The following TAF2 variants were observed in gnomAD, a reference collection of about 807,000 sequenced individuals.
TAF2 encodes transcription initiation factor TFIID subunit 2.
Under a neutral mutation model 138.5 loss-of-function variants are expected in TAF2, and 61 were observed. The observed-to-expected ratio is 0.44, with a 90% confidence interval of 0.36 to 0.54. The LOEUF (loss-of-function observed/expected upper bound fraction) is 0.54. Ranked by LOEUF, TAF2 falls within the 20% of genes least tolerant of loss-of-function variation. The pLI is 0.00. For synonymous variants in TAF2, 475 were observed against 469.9 expected (o/e 1.01, Z -0.14); for missense variants, 1,090 against 1,427.9 (o/e 0.76, Z 3.81).
At chr8:119,785,324 T>A in intron 14 of TAF2, 58 bp from the exon 15 acceptor site, 4 of 1,176,062 alleles carry the variant, frequency 3.4e-6, no homozygotes, top group Non-Finnish European at 3.8e-6. Flanking sequence ...TGAATGGACA[T>A]TAACAGCAGC....
intron 22 of TAF2, among the ~76,000 whole-genome samples, chr8:119,752,274 G>A (rs1014673389): frequency 2.6e-5 from 4 of 152,012 alleles, no homozygotes; most frequent in East Asian, 3.9e-4. Flanking sequence ...TATCTGATAC[G>A]TGTATGAGTG....
intron 20 of TAF2, among the ~76,000 whole-genome samples, chr8:119,758,827 C>A (rs1820869953): frequency 6.6e-6 from 1 of 152,112 alleles, no homozygotes; most frequent in African/African-American, 2.4e-5. Context: ...AACATGAAGT[C>A]TGAAGTCATA....
At chr8:119,830,856 A>G (rs1233461030) in intron 2 of TAF2, among the ~76,000 whole-genome samples, 1 of 152,238 alleles carries the variant, frequency 6.6e-6, no homozygotes, top group Non-Finnish European at 1.5e-5. Context: ...CTGTAATCCC[A>G]GCATTTTGGG....
rs1823180224 is a variant in TAF2, at chr8:119,788,448, CT to C, written c.1684-2del. 10 of 1,605,950 alleles carry C rather than the reference CT, an allele frequency of 6.2e-6. No individual in the cohort carries two copies. The highest frequency in any genetic ancestry group is 1.7e-4 in the Middle Eastern group (1 of 6,020). On this transcript the variant is annotated splice_acceptor_variant, in intron 13 of 25. Coordinates refer to ENST00000378164, the MANE Select transcript of TAF2 (RefSeq NM_003184.4). LOFTEE classifies it high-confidence loss of function. ...CCTGCACTGTCACTTTAAGTGGTCC[CT>C]TTTAAAAAAAAAACGTACTGTTCAG...
At chr8:119,826,008 CAGG>C (rs201182475) in intron 2 of TAF2, among the ~76,000 whole-genome samples, 1 of 151,882 alleles carries the variant, frequency 6.6e-6, no homozygotes, top group East Asian at 1.9e-4. Flanking sequence ...GTTTTAAAAA[CAGG>C]AGTTTTTGCA....
chr8:119,734,216 A>G (rs1422549068), intron 25 of TAF2, among the ~76,000 whole-genome samples: 1 of 152,208 alleles, frequency 6.6e-6, no homozygotes, highest in Non-Finnish European at 1.5e-5. Context: ...GGTTCTACTG[A>G]CAGTACAAAA....
At chr8:119,761,800 C>G (rs896279078) in intron 19 of TAF2, 1 of 74,908 alleles carries the variant, frequency 1.3e-5, no homozygotes, top group Non-Finnish European at 2.8e-5. Flanking sequence ...AACTTGGTCT[C>G]AAAAAAAAAA....
intron 22 of TAF2, among the ~76,000 whole-genome samples, chr8:119,751,656 A>G (rs1820361790): frequency 6.6e-6 from 1 of 152,244 alleles, no homozygotes; most frequent in African/African-American, 2.4e-5. Flanking sequence ...ATACACAGAA[A>G]ACATAGCATA....
At position 119,780,005 on chromosome 8, in the gene TAF2, T is replaced by C. The variant is rs187885466; in HGVS notation, c.2253+1048A>G. On this transcript the variant is annotated intron_variant, in intron 17 of 25. Coordinates refer to ENST00000378164, the MANE Select transcript of TAF2 (RefSeq NM_003184.4). ...GTACAAAACAAACCCAAGAAGTCCT[T>C]TTCTCAACCTTGCTTCATCCTCAAC... Among the ~76,000 whole-genome samples the C allele has an allele frequency of 2.0e-3, 303 of 152,306 alleles. 2 individuals carry two copies. Among genetic ancestry groups the C allele is most frequent in the African/African-American group, 6.0e-3 (249 of 41,560 alleles).
chr8:119,758,482 A>G (rs1334734958), intron 20 of TAF2, among the ~76,000 whole-genome samples: 1 of 152,188 alleles, frequency 6.6e-6, no homozygotes. Flanking sequence ...TTTAAATACA[A>G]TTGTCTTCCT....
Position 119,783,487 on chromosome 8 carries a change from A to G in TAF2, c.2006T>C (p.Leu669Ser). ...AGATGCTGGAGTAGGGAATTTTTCC[A>G]AAGCCAAAATGGATTCCTGCTGTGC... ...VVAQQESILA[L>S]EKFPTPASRL... The change falls in exon 16 of 26, where the codon TTG (leucine) becomes TCG (serine). Residue 669 changes from leucine (L) to serine (S), a missense_variant. Transcript: ENST00000378164. The G allele has an allele frequency of 6.2e-7, 1 of 1,614,122 alleles. No individual in the cohort carries two copies. The highest frequency in any genetic ancestry group is 8.5e-7 in the Non-Finnish European group (1 of 1,180,020).
At chr8:119,832,367 A>ATGTG in intron 1 of TAF2, 115 bp downstream of exon 1, 1 of 923,210 alleles carries the variant, frequency 1.1e-6, no homozygotes, top group South Asian at 1.4e-5. Flanking sequence ...ACAGTGAGTA[A>ATGTG]ATTCTAGTTT....
In TAF2 at chr8:119,831,708, T is replaced by C. The variant is rs747846215; in HGVS notation, c.107A>G (p.Asn36Ser). ...YKLTHQVVCI[N>S]NINFQRKSVV... ...AGATTTTCTCTGGAAATTTATGTTG[T>C]TGATGCAGACGACCTGATGGGTTGT... is the stretch of plus-strand genomic sequence containing the variant. Residue 36 changes from asparagine to serine, a missense_variant, in exon 2 of 26, where the codon AAC becomes AGC. Transcript: ENST00000378164. 6.2e-6 allele frequency: 10 copies of C among 1,604,816 alleles called. 1 individual carries two copies. The South Asian group carries it at 1.1e-4, about 18-fold the overall frequency.
intron 2 of TAF2, among the ~76,000 whole-genome samples, chr8:119,830,705 A>G (rs1397994471): frequency 6.6e-6 from 1 of 152,242 alleles, no homozygotes; most frequent in Non-Finnish European, 1.5e-5. Context: ...ATACATGGGT[A>G]ACAAATCTGA....
intron 18 of TAF2, among the ~76,000 whole-genome samples, chr8:119,766,352 A>C (rs542696884): frequency 6.6e-6 from 1 of 152,164 alleles, no homozygotes; most frequent in Non-Finnish European, 1.5e-5. Context: ...GCTGCTGTGT[A>C]CAGGACAGCC....
chr8:119,829,157 C>A (rs1826282511), intron 2 of TAF2, among the ~76,000 whole-genome samples: 1 of 152,148 alleles, frequency 6.6e-6, no homozygotes, highest in Non-Finnish European at 1.5e-5. Context: ...CTGCTCTCTA[C>A]CCTACTCAAT....
chr8:119,812,325 A>ATT (rs35553888), intron 3 of TAF2, among the ~76,000 whole-genome samples: 3 of 145,336 alleles, frequency 2.1e-5, no homozygotes, highest in African/African-American at 7.6e-5. Flanking sequence ...TTGCTGCCTC[A>ATT]TTTTTTTTTT....
chr8:119,732,374 AG>A (rs1210616517), intron 25 of TAF2, among the ~76,000 whole-genome samples, 188 bp from the exon 26 acceptor site: 2 of 152,232 alleles, frequency 1.3e-5, no homozygotes, highest in Non-Finnish European at 2.9e-5. Flanking sequence ...CATTGTGGCC[AG>A]GAAGTTGAAT....
chr8:119,758,064 T>C lies in TAF2; in HGVS notation c.2768+9A>G. The C allele has an allele frequency of 6.2e-7, 1 of 1,610,970 alleles. No individual in the cohort carries two copies. Among genetic ancestry groups the C allele is most frequent in the African/African-American group, 1.3e-5 (1 of 74,992 alleles). The stretch of plus-strand genomic sequence containing the variant: ...CAAAATATCATAGCATCATAGCACA[T>C]AAACTAACCTTACATAGGGTACAGG... On this transcript the variant is annotated intron_variant, in intron 21 of 25. Transcript: ENST00000378164.
Sources: allele counts gnomAD v4.1 joint callset (sites outside exome capture counted in the v4.1 genomes callset), GRCh38; gene constraint gnomAD v4.1.1; transcripts MANE v1.5; gene names NCBI Gene and HGNC (gene_info 2026-07-23, HGNC 2026-07-21).